The following WWOX variants were observed in gnomAD, a reference collection of about 807,000 sequenced individuals.
The protein encoded by WWOX is WW domain containing oxidoreductase, also known as WW domain-containing oxidoreductase.
WWOX carries 69 observed loss-of-function variants against 46.2 expected under a neutral mutation model. That is an observed-to-expected ratio of 1.49 (90% CI 1.23 to 1.82). WWOX has a LOEUF of 1.82. WWOX is among the 40% of genes most tolerant of loss of function. WWOX has a pLI of 0.00. For missense variants in WWOX, 919 were observed against 542.6 expected, an observed-to-expected ratio of 1.69 and a Z score of -6.89; for synonymous variants, 359 against 202.6, an observed-to-expected ratio of 1.77 and a Z score of -6.56.
At chr16:78,529,350 C>G (rs2043563154) in intron 8 of WWOX, among the ~76,000 whole-genome samples, 1 of 152,112 alleles carries the variant, frequency 6.6e-6, no homozygotes, top group African/African-American at 2.4e-5. Context: ...GAAGTGAGCC[C>G]TCTTACTGAA....
At chr16:78,517,504 A>C (rs1453143885) in intron 8 of WWOX, among the ~76,000 whole-genome samples, 1 of 152,214 alleles carries the variant, frequency 6.6e-6, no homozygotes, top group East Asian at 1.9e-4. Context: ...ATGGCATCCT[A>C]ATGAATGTCT....
rs891574973 is a variant in WWOX, at chr16:78,793,909, GA to G, written c.1056+361167del. 4.8e-4 allele frequency among the ~76,000 whole-genome samples: 71 copies of G among 147,626 alleles called. No homozygotes were observed. The South Asian group carries it at 7.6e-3, about 16-fold the overall frequency. Reference sequence around the variant, plus strand: ...CATCTCTACAAAAAATAAAATATTTGAAAAAAAAAAGTGAAATTTTTGATAT... The same window carrying G: ...CATCTCTACAAAAAATAAAATATTTGAAAAAAAAAGTGAAATTTTTGATAT... On this transcript the variant is annotated intron_variant, in intron 8 of 8. Transcript: ENST00000566780.
intron 8 of WWOX, among the ~76,000 whole-genome samples, chr16:78,524,428 A>C (rs2941953): frequency 1.4e-5 from 2 of 148,084 alleles, no homozygotes; most frequent in Non-Finnish European, 3.0e-5. Flanking sequence ...TTATTTATTT[A>C]TTTGTTTGTT....
At chr16:78,967,458 G>GTTTTTTTTTTTTTTT (rs1171337117) in intron 8 of WWOX, among the ~76,000 whole-genome samples, 1 of 91,444 alleles carries the variant, frequency 1.1e-5, no homozygotes, top group Non-Finnish European at 2.1e-5. Context: ...TAATTTTTGT[G>GTTTTTTTTTTTTTTT]GTTTTTTTTT....
intron 8 of WWOX, among the ~76,000 whole-genome samples, chr16:78,921,516 G>T (rs2045379327): frequency 6.6e-6 from 1 of 152,176 alleles, no homozygotes; most frequent in Non-Finnish European, 1.5e-5. Context: ...ACCTTTCACA[G>T]TCATTCTCTT....
At chr16:78,497,268 T>C (rs772734677) in intron 8 of WWOX, among the ~76,000 whole-genome samples, 2 of 152,228 alleles carry the variant, frequency 1.3e-5, no homozygotes, top group Non-Finnish European at 2.9e-5. Context: ...CCTCCAATTT[T>C]ATTCAGAATT....
intron 8 of WWOX, among the ~76,000 whole-genome samples, chr16:78,974,645 G>A (rs140655189): frequency 6.6e-6 from 1 of 152,150 alleles, no homozygotes; most frequent in Non-Finnish European, 1.5e-5. Context: ...GTCACCCGAT[G>A]CAACTGTCTG....
intron 5 of WWOX, among the ~76,000 whole-genome samples, chr16:78,265,093 C>G (rs564685508): frequency 6.6e-6 from 1 of 150,720 alleles, no homozygotes; most frequent in Non-Finnish European, 1.5e-5. Flanking sequence ...CTCTGCCTGC[C>G]TGGTTCAAGT....
chr16:78,287,700 C>T (rs1310404419), intron 5 of WWOX, among the ~76,000 whole-genome samples: 2 of 152,114 alleles, frequency 1.3e-5, no homozygotes, highest in Non-Finnish European at 2.9e-5. Flanking sequence ...ACGGCCATCT[C>T]CTCTGATTTT....
intron 8 of WWOX, among the ~76,000 whole-genome samples, chr16:78,675,674 T>G (rs2047579958): frequency 6.6e-6 from 1 of 152,110 alleles, no homozygotes; most frequent in East Asian, 1.9e-4. Context: ...AAATTAAATT[T>G]TTAAAAACAT....
chr16:78,900,460 C>G (rs1049029337), intron 8 of WWOX, among the ~76,000 whole-genome samples: 1 of 152,144 alleles, frequency 6.6e-6, no homozygotes, highest in African/African-American at 2.4e-5. Flanking sequence ...GAAAGTGATT[C>G]ATGAAACAGT....
intron 8 of WWOX, among the ~76,000 whole-genome samples, chr16:78,598,051 C>G (rs1277499429): frequency 6.6e-6 from 1 of 152,148 alleles, no homozygotes; most frequent in Non-Finnish European, 1.5e-5. Context: ...CCACTAATCT[C>G]CAGACTGCGC....
intron 8 of WWOX, among the ~76,000 whole-genome samples, chr16:78,570,337 T>C (rs2151572140): frequency 6.6e-6 from 1 of 152,176 alleles, no homozygotes. Context: ...AACAATTTAT[T>C]TTTCTTTGAG....
intron 8 of WWOX, among the ~76,000 whole-genome samples, chr16:78,524,774 A>AT (rs994433537): frequency 1.2e-4 from 18 of 146,722 alleles, no homozygotes; most frequent in African/African-American, 4.5e-4. Flanking sequence ...AATATTTAAT[A>AT]TATAGTAAGG....
At chr16:78,220,280 A>T (rs558964477) in intron 5 of WWOX, among the ~76,000 whole-genome samples, 6 of 152,260 alleles carry the variant, frequency 3.9e-5, no homozygotes, top group South Asian at 2.1e-4. Context: ...GGATACTTCT[A>T]TTACCTTATG....
intron 8 of WWOX, among the ~76,000 whole-genome samples, chr16:79,029,033 G>T (rs1290087719): frequency 1.3e-5 from 2 of 149,148 alleles, no homozygotes; most frequent in Admixed American, 1.3e-4. Flanking sequence ...ATTTGAGGAT[G>T]ACCTGCCAAA....
At chr16:78,506,436 C>A (rs2085205436) in intron 8 of WWOX, 1 of 152,266 alleles carries the variant, frequency 6.6e-6, no homozygotes, top group South Asian at 2.1e-4. Context: ...TCCTTTGACT[C>A]CCTCCACCCC....
chr16:78,978,622 G>A (rs2046618931), intron 8 of WWOX, among the ~76,000 whole-genome samples: 3 of 152,136 alleles, frequency 2.0e-5, no homozygotes, highest in Admixed American at 2.0e-4. Context: ...GCTACTGGGG[G>A]CGCCTCAGGA....
At chr16:78,828,741 T>A (rs1290503192) in intron 8 of WWOX, among the ~76,000 whole-genome samples, 1 of 152,164 alleles carries the variant, frequency 6.6e-6, no homozygotes, top group Non-Finnish European at 1.5e-5. Flanking sequence ...TCTCTAGTCC[T>A]CCAACCCTAT....
Sources: allele counts gnomAD v4.1 joint callset (sites outside exome capture counted in the v4.1 genomes callset), GRCh38; gene constraint gnomAD v4.1.1; transcripts MANE v1.5; gene names NCBI Gene and HGNC (gene_info 2026-07-23, HGNC 2026-07-21).